CAP1: variants seen among roughly 807,000 people sequenced by gnomAD.
CAP1 encodes the protein adenylyl cyclase-associated protein 1.
In CAP1, 11 loss-of-function variants were observed where a neutral mutation model predicts 58.2. The ratio of observed to expected loss-of-function variants is 0.19; its 90% CI spans 0.12 to 0.31. The LOEUF is 0.31. Ranked by LOEUF, CAP1 falls within the 10% of genes least tolerant of loss-of-function variation. The pLI, the probability that CAP1 is intolerant of heterozygous loss-of-function variation, is 1.00. For synonymous variants in CAP1, 183 were observed against 213.8 expected (o/e 0.86, Z 1.26); for missense variants, 423 against 587.5 (o/e 0.72, Z 2.89).
chr1:40,048,071 G>A (rs1354415612), intron 1 of CAP1, among the ~76,000 whole-genome samples: 2 of 151,066 alleles, frequency 1.3e-5, no homozygotes, highest in Admixed American at 1.3e-4. Context: ...TTTTGAGATG[G>A]TGTCTTGCTC....
chr1:40,053,688 C>G (rs572891772), intron 1 of CAP1, among the ~76,000 whole-genome samples: 60 of 152,120 alleles, frequency 3.9e-4, no homozygotes, highest in Non-Finnish European at 7.3e-4. Context: ...CTCAGGTGAC[C>G]CACTCACCTC....
chr1:40,049,457 C>T (rs911920341), intron 1 of CAP1, among the ~76,000 whole-genome samples: 48 of 152,106 alleles, frequency 3.2e-4, no homozygotes, highest in Non-Finnish European at 5.6e-4. Flanking sequence ...GTTATCTACC[C>T]GCCTCAGCCT....
At chr1:40,069,288 A>G (rs1172695314) in intron 8 of CAP1, among the ~76,000 whole-genome samples, 2 of 152,060 alleles carry the variant, frequency 1.3e-5, no homozygotes, top group African/African-American at 4.8e-5. Flanking sequence ...CTGACTGAGG[A>G]GGTGGGGGAA....
chr1:40,064,705 A>G (rs1487696173), intron 6 of CAP1, 146 bp downstream of exon 6: 1 of 672,890 alleles, frequency 1.5e-6, no homozygotes, highest in African/African-American at 1.8e-5. Context: ...TCCTCCAAGT[A>G]GCTGGGACTT....
At chr1:40,042,153 G>A (rs527809127) in intron 1 of CAP1, among the ~76,000 whole-genome samples, 4 of 152,076 alleles carry the variant, frequency 2.6e-5, no homozygotes, top group Admixed American at 6.5e-5. Flanking sequence ...CTGGGATTAC[G>A]GGCATGATCC....
rs922364764 is a variant in CAP1, at chr1:40,072,004, C to T, written c.*471C>T. 2.9e-5 allele frequency: 12 copies of T among 407,028 alleles called. No homozygotes were observed. The South Asian group carries it at 3.2e-4, about 11-fold the overall frequency. 25.2% of individuals were successfully genotyped at this position (407,028 alleles called of 1,614,324 possible). A position where few individuals can be genotyped will look rare whatever the true frequency, so the allele number is the denominator to read the frequency against. ...AAACTAATTTTTCACTGTTGACAAG[C>T]GAGGCAAGGGTTGCACTGGACCAAA... On this transcript the variant is annotated 3_prime_UTR_variant, in exon 13 of 13. Coordinates refer to ENST00000372805, the MANE Select transcript of CAP1 (RefSeq NM_006367.4).
At chr1:40,041,207 A>G (rs1228141123) in intron 1 of CAP1, among the ~76,000 whole-genome samples, 1 of 152,236 alleles carries the variant, frequency 6.6e-6, no homozygotes, top group Non-Finnish European at 1.5e-5. Context: ...AAGAATCGGA[A>G]TCATGATCCT....
At chr1:40,059,495 A>T (rs768666322) in intron 2 of CAP1, 37 bp downstream of exon 2, 1 of 1,293,084 alleles carries the variant, frequency 7.7e-7, no homozygotes, top group Non-Finnish European at 1.1e-6. Flanking sequence ...GCTTTCTTTG[A>T]GCGTCTTGGC....
At position 40,072,567 on chromosome 1, in the gene CAP1, C is replaced by T. The variant is rs1265454254; in HGVS notation, c.*1034C>T. On this transcript the variant is annotated 3_prime_UTR_variant, in exon 13 of 13. Coordinates refer to ENST00000372805, the MANE Select transcript of CAP1 (RefSeq NM_006367.4). ...AAGAGAGATTGTCCTGTGATTTCTA[C>T]CCATTTCCTGAGGCCTGTGGAAATA... is the stretch of plus-strand genomic sequence containing the variant. 1 of 153,692 alleles carries T rather than the reference C, an allele frequency of 6.5e-6. No individual in the cohort carries two copies. Among genetic ancestry groups the T allele is most frequent in the Non-Finnish European group, 1.5e-5 (1 of 68,848 alleles). 9.5% of individuals were successfully genotyped at this position (153,692 alleles called of 1,614,324 possible). A position where few individuals can be genotyped will look rare whatever the true frequency, so the allele number is the denominator to read the frequency against.
At chr1:40,043,695 G>A (rs1645948725) in intron 1 of CAP1, among the ~76,000 whole-genome samples, 1 of 151,910 alleles carries the variant, frequency 6.6e-6, no homozygotes, top group Admixed American at 6.6e-5. Context: ...TAGCCAACAT[G>A]GTGAAACACC....
At chr1:40,065,774 G>A (rs892616086) in intron 6 of CAP1, among the ~76,000 whole-genome samples, 1 of 152,172 alleles carries the variant, frequency 6.6e-6, no homozygotes, top group Non-Finnish European at 1.5e-5. Context: ...TCATAAGGCA[G>A]TTAAGTTTCT....
intron 1 of CAP1, among the ~76,000 whole-genome samples, chr1:40,050,357 T>G (rs1336631068): frequency 4.6e-4 from 1 of 2,158 alleles, no homozygotes; most frequent in African/African-American, 1.8e-3. Flanking sequence ...TCTTTTCATT[T>G]TGTTCCAATA....
chr1:40,054,455 C>T (rs1000572798), intron 1 of CAP1, among the ~76,000 whole-genome samples: 27 of 152,120 alleles, frequency 1.8e-4, no homozygotes, highest in African/African-American at 5.8e-4. Context: ...GGATTACAGG[C>T]GTGAGCCAAT....
At chr1:40,069,554 C>T (rs1647400213) in intron 8 of CAP1, 136 bp from the exon 9 acceptor site, 2 of 720,066 alleles carry the variant, frequency 2.8e-6, no homozygotes. Context: ...AGTACTTTTC[C>T]AAAACTGCTT....
chr1:40,056,694 G>A (rs77836925), intron 1 of CAP1, among the ~76,000 whole-genome samples: 5 of 152,076 alleles, frequency 3.3e-5, no homozygotes, highest in South Asian at 2.1e-4. Flanking sequence ...GTACCACCTC[G>A]CAAATAGGCT....
At position 40,059,416 on chromosome 1, in the gene CAP1, A is replaced by G. The variant is rs1237828988; in HGVS notation, c.70A>G (p.Thr24Ala). ...AVGRLEAVSHTSDMHRGYADS... is the reference protein window; with the variant it reads ...AVGRLEAVSHASDMHRGYADS... ...GGGCCGCCTGGAGGCAGTATCTCAT[A>G]CCTCTGACATGCACCGTGGGTATGC... Residue 24 changes from threonine (T) to alanine (A), a missense_variant, in exon 2 of 13, where the codon ACC becomes GCC. Transcript: ENST00000372805. 1 of 1,613,416 alleles carries G rather than the reference A, an allele frequency of 6.2e-7. No individual in the cohort carries two copies. Among genetic ancestry groups the G allele is most frequent in the Non-Finnish European group, 8.5e-7 (1 of 1,179,466 alleles).
chr1:40,056,198 T>C (rs1646607208), intron 1 of CAP1, among the ~76,000 whole-genome samples: 1 of 152,174 alleles, frequency 6.6e-6, no homozygotes, highest in African/African-American at 2.4e-5. Flanking sequence ...ATCAGGTGAT[T>C]GATAGCAGTG....
chr1:40,047,063 G>A (rs548900231), intron 1 of CAP1, among the ~76,000 whole-genome samples: 1 of 137,056 alleles, frequency 7.3e-6, no homozygotes, highest in Admixed American at 7.2e-5. Flanking sequence ...GAGCCATCGC[G>A]CCCGGCCACA....
At position 40,064,337 on chromosome 1, in the gene CAP1, C is replaced by T. The variant is rs374513784; in HGVS notation, c.405C>T (p.Ser135=). 71 of 1,614,110 alleles carry T rather than the reference C, an allele frequency of 4.4e-5. No individual in the cohort carries two copies. The African/African-American group carries it at 5.9e-4, about 13-fold the overall frequency. ...SKLFNHLSAV[S]ESIQALGWVA... ...TGTTTAATCACCTGTCAGCTGTCAG[C>T]GAAAGTATCCAGGCCCTGGGCTGGG... Residue 135 remains serine, a synonymous_variant, in exon 5 of 13, where the codon AGC becomes AGT. Coordinates refer to ENST00000372805, the MANE Select transcript of CAP1 (RefSeq NM_006367.4).
Sources: gnomAD v4.1 joint callset for allele counts (sites outside exome capture counted in the v4.1 genomes callset) on GRCh38, gnomAD v4.1.1 for gene constraint, MANE v1.5 for transcripts, NCBI Gene and HGNC (gene_info 2026-07-23, HGNC 2026-07-21) for gene names.